Variants in CACNA2D3 observed in about 807,000 individuals in gnomAD.
The protein encoded by CACNA2D3 is calcium voltage-gated channel auxiliary subunit alpha2delta 3.
Under a neutral mutation model 160.6 loss-of-function variants are expected in CACNA2D3, and 60 were observed. The ratio of observed to expected loss-of-function variants is 0.37; its 90% CI spans 0.30 to 0.46. The LOEUF is 0.46. CACNA2D3 is among the 20% of genes least tolerant of loss of function. The pLI, the probability that CACNA2D3 is intolerant of heterozygous loss-of-function variation, is 1.00. For missense variants in CACNA2D3, 1,205 were observed against 1,365.0 expected, an observed-to-expected ratio of 0.88 and a Z score of 1.85; for synonymous variants, 558 against 492.9, an observed-to-expected ratio of 1.13 and a Z score of -1.75.
intron 35 of CACNA2D3, 128 bp downstream of exon 35, chr3:55,018,445 G>A (rs1703376379): frequency 1.6e-6 from 1 of 625,286 alleles, no homozygotes; most frequent in African/African-American, 1.8e-5. Context: ...CTTGCGTAAG[G>A]AAGTATTTCT....
intron 4 of CACNA2D3, among the ~76,000 whole-genome samples, chr3:54,451,227 A>ATT (rs1559484336): frequency 8.5e-5 from 6 of 70,440 alleles, no homozygotes; most frequent in Non-Finnish European, 8.1e-5. Flanking sequence ...TGATATAATA[A>ATT]TCTTTTTTTT....
At chr3:54,402,172 G>T (rs1699479878) in intron 4 of CACNA2D3, among the ~76,000 whole-genome samples, 1 of 151,916 alleles carries the variant, frequency 6.6e-6, no homozygotes, top group South Asian at 2.1e-4. Flanking sequence ...TAGCACTACA[G>T]AAACTTACTA....
chr3:54,822,730 TTTTCTTTCTTTCTTTC>T (rs61652736), intron 14 of CACNA2D3, among the ~76,000 whole-genome samples: 18 of 104,782 alleles, frequency 1.7e-4, no homozygotes, highest in East Asian at 6.0e-4. Flanking sequence ...TTCTTTTTTA[TTTTCTTTCTTTCTTTC>T]TTTCTTTCTT....
At chr3:55,021,488 A>G (rs1232769731) in intron 35 of CACNA2D3, among the ~76,000 whole-genome samples, 1 of 150,718 alleles carries the variant, frequency 6.6e-6, no homozygotes, top group East Asian at 1.9e-4. Flanking sequence ...TTTATTTTCT[A>G]ACATTTTGTC....
At chr3:54,738,915 G>A (rs1701584577) in intron 11 of CACNA2D3, among the ~76,000 whole-genome samples, 1 of 152,126 alleles carries the variant, frequency 6.6e-6, no homozygotes, top group Admixed American at 6.5e-5. Flanking sequence ...ACTTTGGGCG[G>A]CCGAGGCTAT....
intron 14 of CACNA2D3, among the ~76,000 whole-genome samples, chr3:54,832,476 C>A (rs947758378): frequency 6.6e-6 from 1 of 152,180 alleles, no homozygotes; most frequent in African/African-American, 2.4e-5. Context: ...AAGATGTCTA[C>A]CCCTGCATTG....
chr3:54,900,892 G>C (rs1321419447), intron 27 of CACNA2D3, among the ~76,000 whole-genome samples: 2 of 152,158 alleles, frequency 1.3e-5, no homozygotes, highest in Non-Finnish European at 2.9e-5. Flanking sequence ...GTATTAGTAG[G>C]GTTGAAAGAT....
chr3:54,867,149 CAGAAGA>C (rs1321661669), intron 17 of CACNA2D3, among the ~76,000 whole-genome samples: 1 of 152,106 alleles, frequency 6.6e-6, no homozygotes, highest in Non-Finnish European at 1.5e-5. Flanking sequence ...ACTCCTCACG[CAGAAGA>C]AGAAGAAGTG....
intron 2 of CACNA2D3, among the ~76,000 whole-genome samples, chr3:54,278,655 TA>T (rs1170112227): frequency 2.0e-5 from 3 of 152,034 alleles, no homozygotes; most frequent in African/African-American, 7.2e-5. Flanking sequence ...TATGCAGCCA[TA>T]AAAAAGAATG....
chr3:54,748,185 G>A (rs1443027464), intron 11 of CACNA2D3, among the ~76,000 whole-genome samples: 1 of 152,176 alleles, frequency 6.6e-6, no homozygotes, highest in African/African-American at 2.4e-5. Flanking sequence ...CCTATTTTCT[G>A]TCTGTGCAAT....
At chr3:54,839,830 A>G (rs1698782243) in intron 16 of CACNA2D3, among the ~76,000 whole-genome samples, 1 of 152,048 alleles carries the variant, frequency 6.6e-6, no homozygotes. Flanking sequence ...AGTCCCTCCA[A>G]TCCCTCGTTC....
intron 4 of CACNA2D3, among the ~76,000 whole-genome samples, chr3:54,413,524 G>A (rs1249138873): frequency 6.7e-6 from 1 of 150,302 alleles, no homozygotes; most frequent in East Asian, 1.9e-4. Flanking sequence ...TCTTCAAAAT[G>A]TTACCTGCCC....
intron 13 of CACNA2D3, chr3:54,789,997 G>A: frequency 2.6e-6 from 1 of 379,004 alleles, no homozygotes; most frequent in African/African-American, 2.1e-5. Context: ...TAAACATCTT[G>A]TATAATGAGG....
At chr3:54,712,496 G>C (rs1261746217) in intron 11 of CACNA2D3, among the ~76,000 whole-genome samples, 3 of 152,152 alleles carry the variant, frequency 2.0e-5, no homozygotes, top group African/African-American at 7.2e-5. Flanking sequence ...CTCGAGATCT[G>C]ATGGTTTTAT....
intron 2 of CACNA2D3, among the ~76,000 whole-genome samples, chr3:54,234,163 A>T (rs183263838): frequency 9.9e-4 from 151 of 152,116 alleles, no homozygotes; most frequent in Non-Finnish European, 1.5e-3. Flanking sequence ...AATTTACAAT[A>T]AAAAAAACTC....
chr3:54,665,558 A>G (rs935914044), intron 11 of CACNA2D3, among the ~76,000 whole-genome samples: 4 of 152,102 alleles, frequency 2.6e-5, no homozygotes, highest in African/African-American at 9.6e-5. Context: ...CTACTGTGTA[A>G]ATGACCACAT....
intron 12 of CACNA2D3, among the ~76,000 whole-genome samples, chr3:54,753,298 C>G (rs1047252485): frequency 1.3e-5 from 2 of 152,238 alleles, no homozygotes; most frequent in African/African-American, 4.8e-5. Context: ...CTCATCATTC[C>G]TAGCCTTCTT....
rs1176949344 is a variant in CACNA2D3, at chr3:55,073,805, A to G, written c.3129A>G (p.Leu1043=). Residue 1043 remains leucine, a synonymous_variant, in exon 37 of 38, where the codon CTA becomes CTG. Transcript: ENST00000474759. Reference sequence around the variant, plus strand: ...ATGAATCCCTTAAGTGTGAACGTCTAAAGGCCCAGAAGATCAGAAGGCGCC... The same window carrying G: ...ATGAATCCCTTAAGTGTGAACGTCTGAAGGCCCAGAAGATCAGAAGGCGCC... ...RYNESLKCER[L]KAQKIRRRPE... 2 of 1,613,506 alleles carry G rather than the reference A, an allele frequency of 1.2e-6. No individual in the cohort carries two copies. The highest frequency in any genetic ancestry group is 2.7e-5 in the African/African-American group (2 of 74,920).
chr3:54,202,500 T>C (rs182414145), intron 2 of CACNA2D3, among the ~76,000 whole-genome samples: 1 of 152,388 alleles, frequency 6.6e-6, no homozygotes, highest in African/African-American at 2.4e-5. Flanking sequence ...TGAGTTGATA[T>C]ACCCATTTTC....
Sources: gnomAD v4.1 joint callset for allele counts (sites outside exome capture counted in the v4.1 genomes callset) on GRCh38, gnomAD v4.1.1 for gene constraint, MANE v1.5 for transcripts, NCBI Gene and HGNC (gene_info 2026-07-23, HGNC 2026-07-21) for gene names.